The following NRXN1 variants were observed in gnomAD, a reference collection of about 807,000 sequenced individuals.
NRXN1 encodes the protein neurexin 1.
NRXN1 carries 39 observed loss-of-function variants against 150.9 expected under a neutral mutation model. The observed-to-expected ratio is 0.26, with a 90% CI of 0.20 to 0.34. The LOEUF (loss-of-function observed/expected upper bound fraction) is 0.34, where lower values mean the gene tolerates loss of function less well. NRXN1 is among the 10% of genes least tolerant of loss of function. The pLI is 1.00. For synonymous variants in NRXN1, 924 were observed against 757.0 expected, an observed-to-expected ratio of 1.22 and a Z score of -3.62; for missense variants, 1,815 against 1,949.9, an observed-to-expected ratio of 0.93 and a Z score of 1.30.
At chr2:50,058,691 C>A (rs938538819) in intron 19 of NRXN1, among the ~76,000 whole-genome samples, 4 of 152,130 alleles carry the variant, frequency 2.6e-5, no homozygotes, top group Admixed American at 2.0e-4. Flanking sequence ...CTACAAGTGG[C>A]AGGAGGGACC....
At chr2:50,365,186 T>C (rs904226493) in intron 17 of NRXN1, among the ~76,000 whole-genome samples, 2 of 151,956 alleles carry the variant, frequency 1.3e-5, no homozygotes, top group Non-Finnish European at 2.9e-5. Context: ...CATTAGAAAA[T>C]TGAAAACTAT....
intron 18 of NRXN1, among the ~76,000 whole-genome samples, chr2:50,142,262 A>T (rs1043025484): frequency 3.3e-5 from 5 of 151,958 alleles, no homozygotes; most frequent in African/African-American, 1.2e-4. Flanking sequence ...AGTTGATCTT[A>T]TGGAGGTGGA....
chr2:49,954,799 C>A (rs1283498663), intron 21 of NRXN1, among the ~76,000 whole-genome samples: 1 of 152,122 alleles, frequency 6.6e-6, no homozygotes, highest in Non-Finnish European at 1.5e-5. Flanking sequence ...TTGAAATCAT[C>A]TTGAAATCTA....
At chr2:51,030,181 C>T (rs1671264579) in intron 1 of NRXN1, among the ~76,000 whole-genome samples, 1 of 152,008 alleles carries the variant, frequency 6.6e-6, no homozygotes, top group South Asian at 2.1e-4. Context: ...AATGTATAAT[C>T]TGTTCATGTC....
At chr2:50,877,855 T>TA (rs1202076883) in intron 5 of NRXN1, among the ~76,000 whole-genome samples, 2 of 151,870 alleles carry the variant, frequency 1.3e-5, no homozygotes, top group Non-Finnish European at 2.9e-5. Context: ...ACAAAAACGT[T>TA]AGAGAATTCT....
At chr2:50,986,119 T>G (rs1697662421) in intron 2 of NRXN1, among the ~76,000 whole-genome samples, 1 of 151,780 alleles carries the variant, frequency 6.6e-6, no homozygotes, top group South Asian at 2.1e-4. Flanking sequence ...CAGTTAACTT[T>G]CATTTCCATA....
intron 5 of NRXN1, among the ~76,000 whole-genome samples, chr2:50,671,844 C>G (rs900211889): frequency 3.3e-5 from 5 of 151,726 alleles, no homozygotes; most frequent in African/African-American, 1.2e-4. Context: ...CTTTAGAGAA[C>G]AATGGAAATT....
chr2:50,791,782 AG>A (rs1048855949), intron 5 of NRXN1, among the ~76,000 whole-genome samples: 1 of 152,136 alleles, frequency 6.6e-6, no homozygotes, highest in African/African-American at 2.4e-5. Flanking sequence ...AAAGGTTAAA[AG>A]GTAGAATTAT....
chr2:50,298,573 C>T (rs2073855309), intron 17 of NRXN1, among the ~76,000 whole-genome samples: 1 of 151,894 alleles, frequency 6.6e-6, no homozygotes, highest in Admixed American at 6.6e-5. Flanking sequence ...TTAAAACATC[C>T]ATGAACCTGA....
intron 18 of NRXN1, among the ~76,000 whole-genome samples, chr2:50,146,023 G>A (rs1307701663): frequency 6.6e-6 from 1 of 151,534 alleles, no homozygotes; most frequent in Non-Finnish European, 1.5e-5. Context: ...GAAATTGGAA[G>A]AATAATATGA....
chr2:50,810,978 CAA>C (rs905910829), intron 5 of NRXN1, among the ~76,000 whole-genome samples: 1 of 129,138 alleles, frequency 7.7e-6, no homozygotes, highest in African/African-American at 2.9e-5. Context: ...GACTCCGTCT[CAA>C]AAAAAAAAAA....
chr2:50,150,329 T>C (rs1228220075), intron 18 of NRXN1, among the ~76,000 whole-genome samples: 1 of 151,812 alleles, frequency 6.6e-6, no homozygotes, highest in Non-Finnish European at 1.5e-5. Context: ...CAATGAACAC[T>C]AACACTTATA....
At chr2:50,342,929 A>G (rs2077658977) in intron 17 of NRXN1, among the ~76,000 whole-genome samples, 2 of 152,032 alleles carry the variant, frequency 1.3e-5, no homozygotes, top group Admixed American at 1.3e-4. Flanking sequence ...ATTCAAACTC[A>G]CTCTGAAACC....
intron 15 of NRXN1, among the ~76,000 whole-genome samples, chr2:50,475,281 C>T (rs2089895868): frequency 6.6e-6 from 1 of 152,010 alleles, no homozygotes; most frequent in Non-Finnish European, 1.5e-5. Flanking sequence ...ACTGTAACCT[C>T]CTGAAGGAGA....
At chr2:50,086,825 AGAG>A (rs1698841903) in intron 19 of NRXN1, among the ~76,000 whole-genome samples, 1 of 129,878 alleles carries the variant, frequency 7.7e-6, no homozygotes, top group Non-Finnish European at 1.7e-5. Flanking sequence ...GAAGAATGAG[AGAG>A]AGAGAGAGAG....
At chr2:49,970,337 A>G (rs1457898896) in intron 21 of NRXN1, 1 of 152,114 alleles carries the variant, frequency 6.6e-6, no homozygotes, top group Non-Finnish European at 1.5e-5. Flanking sequence ...TGAGGAGCAA[A>G]TGGAAACGGG....
intron 2 of NRXN1, among the ~76,000 whole-genome samples, chr2:51,012,861 G>T (rs1047499113): frequency 6.6e-6 from 1 of 151,764 alleles, no homozygotes; most frequent in Non-Finnish European, 1.5e-5. Context: ...TTTTTTCTCT[G>T]GTTTTTGTTT....
intron 5 of NRXN1, among the ~76,000 whole-genome samples, chr2:50,659,978 A>G (rs1687056561): frequency 6.6e-6 from 1 of 152,106 alleles, no homozygotes; most frequent in East Asian, 1.9e-4. Context: ...AATTGTTCCA[A>G]GAGGACTGGC....
intron 5 of NRXN1, among the ~76,000 whole-genome samples, chr2:50,808,989 G>A (rs1344379528): frequency 1.3e-5 from 2 of 152,060 alleles, no homozygotes; most frequent in Admixed American, 1.3e-4. Context: ...CTAACAGACT[G>A]CTTGGGAAAA....
Sources: allele counts gnomAD v4.1 joint callset (sites outside exome capture counted in the v4.1 genomes callset), GRCh38; gene constraint gnomAD v4.1.1; transcripts MANE v1.5; gene names NCBI Gene and HGNC (gene_info 2026-07-23, HGNC 2026-07-21).